CA10: variants seen among roughly 807,000 people sequenced by gnomAD.
CA10 encodes the protein carbonic anhydrase-related protein 10.
CA10 carries 14 observed loss-of-function variants against 44.2 expected under a neutral mutation model. The observed-to-expected ratio is 0.32, with a 90% CI of 0.21 to 0.50. The LOEUF is 0.50. Among genes scored for constraint, CA10 ranks in the 20% least tolerant of loss-of-function variants. The pLI is 0.99. For synonymous variants in CA10, 159 were observed against 141.6 expected (o/e 1.12, Z -0.87); for missense variants, 350 against 409.7 (o/e 0.85, Z 1.26).
chr17:51,840,484 C>T (rs1294026811), intron 3 of CA10, among the ~76,000 whole-genome samples: 2 of 49,224 alleles, frequency 4.1e-5, no homozygotes, highest in East Asian at 8.8e-4. Context: ...TTAATACACA[C>T]ACACACACAC....
At chr17:51,997,070 T>C (rs1291400036) in intron 2 of CA10, among the ~76,000 whole-genome samples, 1 of 152,120 alleles carries the variant, frequency 6.6e-6, no homozygotes, top group Non-Finnish European at 1.5e-5. Context: ...TCCCTCTGTC[T>C]GGTTGGTACC....
intron 2 of CA10, among the ~76,000 whole-genome samples, chr17:51,971,684 A>G (rs1246782177): frequency 6.6e-6 from 1 of 152,066 alleles, no homozygotes; most frequent in Admixed American, 6.6e-5. Flanking sequence ...TAAAAATATT[A>G]ATGCATTTTT....
intron 4 of CA10, among the ~76,000 whole-genome samples, chr17:51,730,496 G>T (rs1396657515): frequency 6.6e-6 from 1 of 152,146 alleles, no homozygotes; most frequent in South Asian, 2.1e-4. Context: ...GAGGTTAAAG[G>T]AATTAACATG....
At chr17:52,006,244 A>C (rs951090917) in intron 2 of CA10, among the ~76,000 whole-genome samples, 7 of 151,856 alleles carry the variant, frequency 4.6e-5, no homozygotes, top group African/African-American at 1.7e-4. Flanking sequence ...AGATTACTCT[A>C]TTCTGTCCCT....
chr17:51,879,430 A>G (rs980427330), intron 3 of CA10, among the ~76,000 whole-genome samples: 1 of 151,988 alleles, frequency 6.6e-6, no homozygotes, highest in Non-Finnish European at 1.5e-5. Flanking sequence ...TCTACTCTCT[A>G]TTCTACTTCA....
At chr17:52,120,064 A>G (rs1473050359) in intron 1 of CA10, among the ~76,000 whole-genome samples, 1 of 152,202 alleles carries the variant, frequency 6.6e-6, no homozygotes, top group Non-Finnish European at 1.5e-5. Context: ...TTGAGAAAAT[A>G]AGACCAAGGG....
intron 2 of CA10, among the ~76,000 whole-genome samples, chr17:51,938,676 C>G (rs968897726): frequency 1.3e-5 from 2 of 151,942 alleles, no homozygotes; most frequent in African/African-American, 4.8e-5. Context: ...GTACTTGGTT[C>G]CAAGTGGTGA....
At chr17:51,962,913 A>G (rs1019452054) in intron 2 of CA10, among the ~76,000 whole-genome samples, 10 of 152,186 alleles carry the variant, frequency 6.6e-5, no homozygotes, top group African/African-American at 2.4e-4. Flanking sequence ...TTCTCCAGCA[A>G]TGGTCTCCAA....
chr17:51,895,509 G>T (rs1039266060), intron 3 of CA10, among the ~76,000 whole-genome samples: 4 of 151,966 alleles, frequency 2.6e-5, no homozygotes, highest in Admixed American at 6.6e-5. Context: ...TTGAAAAACA[G>T]AAATACATAA....
chr17:51,895,891 G>A (rs568282228), intron 3 of CA10, among the ~76,000 whole-genome samples: 5 of 150,704 alleles, frequency 3.3e-5, no homozygotes, highest in Admixed American at 3.3e-4. Context: ...ACTACTATGA[G>A]GTAAACTGTA....
chr17:52,106,851 G>C (rs886464283), intron 1 of CA10, among the ~76,000 whole-genome samples: 1 of 152,188 alleles, frequency 6.6e-6, no homozygotes, highest in Admixed American at 6.5e-5. Context: ...CTGGCCACAT[G>C]CTGGAGTACA....
intron 4 of CA10, among the ~76,000 whole-genome samples, chr17:51,709,601 T>C (rs1204393961): frequency 1.3e-5 from 2 of 152,210 alleles, no homozygotes; most frequent in South Asian, 2.1e-4. Context: ...ATTATTCTAA[T>C]GTGCAGCCAG....
rs531175862 is a variant in CA10, at chr17:51,630,502, A to AGGG, written c.*1079_*1081dup. 6.6e-6 allele frequency: 1 copy of AGGG among 152,648 alleles called. No individual in the cohort carries two copies. The highest frequency in any genetic ancestry group is 2.4e-5 in the African/African-American group (1 of 41,456). 9.5% of individuals were successfully genotyped at this position (152,648 alleles called of 1,614,324 possible). A position where few individuals can be genotyped will look rare whatever the true frequency, so the allele number is the denominator to read the frequency against. On this transcript the variant is annotated 3_prime_UTR_variant, in exon 9 of 9. Transcript: ENST00000451037. ...GTGCATTCCTTCACGGGAGCATCAC[A>AGGG]GGGGGGCATGGCAGTTTTGAAACGC...
chr17:51,994,744 A>T (rs2144109675), intron 2 of CA10, among the ~76,000 whole-genome samples: 1 of 152,196 alleles, frequency 6.6e-6, no homozygotes, highest in South Asian at 2.1e-4. Flanking sequence ...ATTAAAAATT[A>T]TAGGGAAATC....
At chr17:51,648,395 T>C (rs1478829196) in intron 6 of CA10, among the ~76,000 whole-genome samples, 1 of 152,216 alleles carries the variant, frequency 6.6e-6, no homozygotes, top group Non-Finnish European at 1.5e-5. Flanking sequence ...ATAAGATGAA[T>C]GACAGAGTCA....
intron 6 of CA10, among the ~76,000 whole-genome samples, chr17:51,639,019 C>T (rs1352784451): frequency 6.6e-6 from 1 of 152,044 alleles, no homozygotes; most frequent in Non-Finnish European, 1.5e-5. Context: ...TCAGCACAGA[C>T]CACACCAGAA....
At chr17:52,047,219 G>T (rs1986936673) in intron 2 of CA10, among the ~76,000 whole-genome samples, 1 of 151,926 alleles carries the variant, frequency 6.6e-6, no homozygotes, top group Non-Finnish European at 1.5e-5. Flanking sequence ...TGCTACAAAA[G>T]ATTATATGCA....
chr17:52,089,394 C>A (rs1988202836), intron 1 of CA10, among the ~76,000 whole-genome samples: 1 of 152,022 alleles, frequency 6.6e-6, no homozygotes. Context: ...AAAAGTTAGC[C>A]AAGAGAAGAA....
At chr17:52,076,683 G>T (rs554363077) in intron 1 of CA10, among the ~76,000 whole-genome samples, 1 of 152,240 alleles carries the variant, frequency 6.6e-6, no homozygotes, top group South Asian at 2.1e-4. Context: ...CATTTAAAAA[G>T]GTACCTCACT....
Sources: allele counts gnomAD v4.1 joint callset (sites outside exome capture counted in the v4.1 genomes callset), GRCh38; gene constraint gnomAD v4.1.1; transcripts MANE v1.5; gene names NCBI Gene and HGNC (gene_info 2026-07-23, HGNC 2026-07-21).